PDE4A: variants seen among roughly 807,000 people sequenced by gnomAD.
PDE4A encodes 3',5'-cyclic-AMP phosphodiesterase 4A.
Under a neutral mutation model 73.9 loss-of-function variants are expected in PDE4A, and 21 were observed. That is an observed-to-expected ratio of 0.28 (90% CI 0.20 to 0.41). The LOEUF is 0.41. Among genes scored for constraint, PDE4A ranks in the 10% least tolerant of loss-of-function variants. The pLI is 1.00. For missense variants in PDE4A, 958 were observed against 1,211.4 expected, an observed-to-expected ratio of 0.79 and a Z score of 3.10; for synonymous variants, 463 against 505.4, an observed-to-expected ratio of 0.92 and a Z score of 1.13.
In PDE4A at chr19:10,457,790, C is replaced by T. The variant is rs2043195096; in HGVS notation, c.878-89C>T. 1.9e-6 allele frequency: 3 copies of T among 1,554,978 alleles called. 1 individual carries two copies. The highest frequency in any genetic ancestry group is 3.8e-5 in the Admixed American group (2 of 53,292). ...GGTTCTGCCGTTTCGGGTGAGCCTT[C>T]CCCGTACGTGGTAGTGGGCTGAAGA... On this transcript the variant is annotated intron_variant, in intron 7 of 14. Transcript: ENST00000380702.
At chr19:10,466,710 T>C (rs1410271623) in intron 14 of PDE4A, 177 bp from the exon 15 acceptor site, 4 of 429,320 alleles carry the variant, frequency 9.3e-6, no homozygotes, top group African/African-American at 8.6e-5. Context: ...GCCAGGCTGG[T>C]CTCGAACTCC....
At chr19:10,418,628 C>G (rs2042610006), upstream of PDE4A, 1 of 298,976 alleles carries the variant, frequency 3.3e-6, no homozygotes, top group Admixed American at 6.5e-5. Flanking sequence ...AATTATACCT[C>G]TCCACGCCCA....
chr19:10,431,496 G>T (rs891018526), intron 1 of PDE4A, among the ~76,000 whole-genome samples: 2 of 152,218 alleles, frequency 1.3e-5, no homozygotes, highest in Non-Finnish European at 2.9e-5. Flanking sequence ...GCCACAGAGG[G>T]CAAATGGAAG....
Position 10,449,075 on chromosome 19 carries a change from C to A in PDE4A, c.550-5C>A, listed in dbSNP as rs1432500304. On this transcript the variant is annotated splice_polypyrimidine_tract_variant and splice_region_variant and intron_variant, in intron 3 of 14. Transcript: ENST00000380702. Reference sequence around the variant, plus strand: ...CCCACTCCTCACTGCCGCTCCCCATCCCAGGTGCTGGCCAGCCTCCGGAGC... The same window carrying A: ...CCCACTCCTCACTGCCGCTCCCCATACCAGGTGCTGGCCAGCCTCCGGAGC... The A allele has an allele frequency of 6.2e-7, 1 of 1,613,314 alleles. No homozygotes were observed. The highest frequency in any genetic ancestry group is 8.5e-7 in the Non-Finnish European group (1 of 1,179,700).
At chr19:10,418,705 T>C (rs2042610553), upstream of PDE4A, 5 of 970,000 alleles carry the variant, frequency 5.2e-6, no homozygotes, top group South Asian at 4.8e-5. Context: ...GTTTCCTCCT[T>C]CTTCTGCAAC....
intron 1 of PDE4A, chr19:10,427,852 G>A: frequency 1.0e-6 from 1 of 985,282 alleles, no homozygotes; most frequent in Non-Finnish European, 1.2e-6. Context: ...TGCATTTCTG[G>A]GACAGGTATA....
At chr19:10,444,096 T>C (rs983132423) in intron 1 of PDE4A, among the ~76,000 whole-genome samples, 5 of 151,314 alleles carry the variant, frequency 3.3e-5, no homozygotes, top group African/African-American at 9.7e-5. Flanking sequence ...AGAAATAGTA[T>C]TGGGCTGGGC....
upstream of PDE4A, chr19:10,419,171 G>T (rs2042616221): frequency 4.9e-6 from 4 of 821,950 alleles, no homozygotes; most frequent in Non-Finnish European, 5.8e-6. Context: ...GGGGGCAGGG[G>T]TCTGGTCCCC....
rs371362126 is a variant in PDE4A, at chr19:10,461,216, G to T, written c.1465+113G>T. ...GGCTGGCTGGCCTGGGGGCGGGGCTGGCTGGCCTGGAAAGGGGATGGCCGG... is the reference window on the plus strand; with the variant it reads ...GGCTGGCTGGCCTGGGGGCGGGGCTTGCTGGCCTGGAAAGGGGATGGCCGG... On this transcript the variant is annotated intron_variant, in intron 11 of 14. Coordinates refer to ENST00000380702, the MANE Select transcript of PDE4A (RefSeq NM_001111307.2). The T allele has an allele frequency of 1.4e-4, 191 of 1,404,946 alleles. No individual in the cohort carries two copies. The African/African-American group carries it at 1.6e-3, about 12-fold the overall frequency. 87.0% of individuals were successfully genotyped at this position (1,404,946 alleles called of 1,614,324 possible). A position where few individuals can be genotyped will look rare whatever the true frequency, so the allele number is the denominator to read the frequency against.
At chr19:10,456,264 A>G (rs1286085755) in intron 7 of PDE4A, among the ~76,000 whole-genome samples, 1 of 152,060 alleles carries the variant, frequency 6.6e-6, no homozygotes, top group East Asian at 1.9e-4. Context: ...GCAGTGGCTC[A>G]CGCCTGTAAT....
chr19:10,466,874 TCCC>T lies in PDE4A; in HGVS notation c.1927-11_1927-9del. On this transcript the variant is annotated splice_polypyrimidine_tract_variant and intron_variant, in intron 14 of 14. Transcript: ENST00000380702. ...CATAGGCCGCCCATTTATACTTTCT[TCCC>T]CTCCACCAGGTGGGTTTTATTGACT... The T allele has an allele frequency of 6.2e-7, 1 of 1,607,976 alleles. No homozygotes were observed. The highest frequency in any genetic ancestry group is 1.7e-5 in the Admixed American group (1 of 59,758).
intron 1 of PDE4A, chr19:10,428,783 T>A: frequency 1.0e-6 from 1 of 985,358 alleles, no homozygotes. Context: ...CTGGGCCCCA[T>A]GGCATCAGAG....
intron 1 of PDE4A, among the ~76,000 whole-genome samples, chr19:10,440,739 C>T (rs2042926162): frequency 6.6e-6 from 1 of 152,120 alleles, no homozygotes; most frequent in Non-Finnish European, 1.5e-5. Context: ...GCTGGGATTA[C>T]AGGCACATGG....
chr19:10,442,145 G>A (rs1214706960), intron 1 of PDE4A, among the ~76,000 whole-genome samples: 1 of 152,048 alleles, frequency 6.6e-6, no homozygotes, highest in Non-Finnish European at 1.5e-5. Context: ...GAGGGAGAGA[G>A]GATAGGAACC....
At chr19:10,462,382 C>T (rs1004235287) in intron 13 of PDE4A, among the ~76,000 whole-genome samples, 1 of 152,000 alleles carries the variant, frequency 6.6e-6, no homozygotes, top group Non-Finnish European at 1.5e-5. Flanking sequence ...GAACTCCCGA[C>T]CTCAGGTGAT....
chr19:10,457,899 A>C lies in PDE4A; in HGVS notation c.898A>C (p.Ile300Leu). 6.2e-7 allele frequency: 1 copy of C among 1,612,204 alleles called. No homozygotes were observed. The highest frequency in any genetic ancestry group is 1.3e-5 in the African/African-American group (1 of 74,876). Residue 300 changes from isoleucine (I) to leucine (L), a missense_variant, in exon 8 of 15, where the codon ATC becomes CTC. Coordinates refer to ENST00000380702, the MANE Select transcript of PDE4A (RefSeq NM_001111307.2). ...TGCAGACAAACAGAATGAAGTGGAG[A>C]TCCCATCACCCACGATGAAGGAACG... Reference protein sequence around the residue: ...TFLDKQNEVEIPSPTMKEREK... With the variant: ...TFLDKQNEVELPSPTMKEREK...
At chr19:10,417,487 A>G (rs555359709), upstream of PDE4A, 1 of 980,604 alleles carries the variant, frequency 1.0e-6, no homozygotes, top group African/African-American at 1.7e-5. Context: ...CTCAGACCTA[A>G]GGGATGGCAG....
chr19:10,459,526 G>T, intron 9 of PDE4A, 28 bp downstream of exon 9: 1 of 1,611,542 alleles, frequency 6.2e-7, no homozygotes, highest in African/African-American at 1.3e-5. Flanking sequence ...GAGTGGGCCC[G>T]GGTGAGGGGC....
intron 2 of PDE4A, 137 bp from the exon 3 acceptor site, chr19:10,448,780 G>A: frequency 1.3e-6 from 2 of 1,499,976 alleles, no homozygotes; most frequent in Non-Finnish European, 1.8e-6. Flanking sequence ...CCCTTATGCA[G>A]TACAAGTGTT....
Sources: allele counts gnomAD v4.1 joint callset (sites outside exome capture counted in the v4.1 genomes callset), GRCh38; gene constraint gnomAD v4.1.1; transcripts MANE v1.5; gene names NCBI Gene and HGNC (gene_info 2026-07-23, HGNC 2026-07-21).